Variants in KRAS observed in about 807,000 individuals in gnomAD.
KRAS encodes the protein KRas proto-oncogene, GTPase, also known as GTPase KRas.
Under a neutral mutation model 21.0 loss-of-function variants are expected in KRAS, and 1 was observed. The observed-to-expected ratio is 0.05, with a 90% CI of 0.02 to 0.23. The LOEUF (loss-of-function observed/expected upper bound fraction) is 0.23. KRAS is among the 10% of genes least tolerant of loss of function. The pLI is 1.00. For missense variants in KRAS, 107 were observed against 221.8 expected (o/e 0.48, Z 3.29); for synonymous variants, 67 against 72.5 (o/e 0.92, Z 0.39).
intron 2 of KRAS, among the ~76,000 whole-genome samples, chr12:25,231,204 C>T (rs1304595723): frequency 1.4e-5 from 2 of 146,816 alleles, no homozygotes; most frequent in African/African-American, 2.5e-5. Flanking sequence ...CAGGTTCAAG[C>T]GATTCTCCTA....
At position 25,208,929 on chromosome 12, in the gene KRAS, GAGC is replaced by G. The variant is rs1210424460; in HGVS notation, c.*863_*865del. 2.5e-5 allele frequency: 7 copies of G among 278,546 alleles called. No individual in the cohort carries two copies. Among genetic ancestry groups the G allele is most frequent in the African/African-American group, 1.5e-4 (7 of 46,590 alleles). 17.3% of individuals were successfully genotyped at this position (278,546 alleles called of 1,614,324 possible). ...AAAGATTTAAAGTTATACTATGAAA[GAGC>G]AGTCTGACACAGGGAGACTACATTT... On this transcript the variant is annotated 3_prime_UTR_variant, in exon 5 of 5. Transcript: ENST00000311936.
intron 2 of KRAS, among the ~76,000 whole-genome samples, chr12:25,240,798 A>T (rs1375235033): frequency 6.6e-6 from 1 of 152,206 alleles, no homozygotes; most frequent in Non-Finnish European, 1.5e-5. Context: ...AAAAACCATG[A>T]CCAGTAAAGT....
intron 3 of KRAS, among the ~76,000 whole-genome samples, chr12:25,226,221 G>T (rs1319861954): frequency 6.6e-6 from 1 of 152,144 alleles, no homozygotes; most frequent in Non-Finnish European, 1.5e-5. Context: ...GAAAGATTTT[G>T]ATTTCTAGGT....
At chr12:25,236,803 TA>T (rs1951550004) in intron 2 of KRAS, among the ~76,000 whole-genome samples, 1 of 152,004 alleles carries the variant, frequency 6.6e-6, no homozygotes, top group Non-Finnish European at 1.5e-5. Flanking sequence ...GGTAGGAATG[TA>T]AACAGTACAA....
intron 2 of KRAS, among the ~76,000 whole-genome samples, chr12:25,231,506 A>G (rs985360075): frequency 6.6e-6 from 1 of 152,174 alleles, no homozygotes. Context: ...GTAATGTGGG[A>G]TATTAGTAGT....
intron 2 of KRAS, among the ~76,000 whole-genome samples, chr12:25,229,094 C>T (rs1275883091): frequency 6.6e-6 from 1 of 151,848 alleles, no homozygotes; most frequent in East Asian, 1.9e-4. Flanking sequence ...AGAAAACTAC[C>T]ATGGTAAACT....
chr12:25,215,723 T>C (rs1951247974), intron 4 of KRAS, among the ~76,000 whole-genome samples: 1 of 152,162 alleles, frequency 6.6e-6, no homozygotes, highest in East Asian at 1.9e-4. Flanking sequence ...TTTTAAAATA[T>C]GGGCTAGAAT....
chr12:25,231,643 A>G (rs1337739934), intron 2 of KRAS, among the ~76,000 whole-genome samples: 1 of 152,146 alleles, frequency 6.6e-6, no homozygotes, highest in African/African-American at 2.4e-5. Context: ...GACCTTAAAA[A>G]TATCGATAGC....
At chr12:25,246,178 G>A (rs1369961846) in intron 1 of KRAS, among the ~76,000 whole-genome samples, 2 of 150,342 alleles carry the variant, frequency 1.3e-5, no homozygotes, top group African/African-American at 4.9e-5. Context: ...AAATCTCTGG[G>A]GAAAATAAAG....
intron 4 of KRAS, 56 bp downstream of exon 4, chr12:25,225,558 C>G (rs1951382025): frequency 1.3e-6 from 2 of 1,495,386 alleles, no homozygotes; most frequent in Non-Finnish European, 1.9e-6. Flanking sequence ...TATTAAATGA[C>G]ATAACAGTTA....
rs1321321201 is a variant in KRAS, at chr12:25,205,573, G to T, written c.*4222C>A. 4.6e-6 allele frequency: 1 copy of T among 217,434 alleles called. No individual in the cohort carries two copies. The highest frequency in any genetic ancestry group is 9.3e-6 in the Non-Finnish European group (1 of 107,810). The allele number at this position is 217,434 out of a possible 1,614,324, so 13.5% of individuals were successfully genotyped here. On this transcript the variant is annotated 3_prime_UTR_variant, in exon 5 of 5. Coordinates refer to ENST00000311936, the MANE Select transcript of KRAS (RefSeq NM_004985.5). ...CATGTTACATTAAGAAATAGTACTA[G>T]TAAGAAATTGGCACTCAAAGGAAAA...
At chr12:25,218,112 T>C (rs1374271568) in intron 4 of KRAS, among the ~76,000 whole-genome samples, 2 of 152,146 alleles carry the variant, frequency 1.3e-5, no homozygotes, top group African/African-American at 2.4e-5. Context: ...CTCTTTCAAT[T>C]TGAAAATCAA....
At position 25,209,463 on chromosome 12, in the gene KRAS, A is replaced by T. The variant is rs1484106816; in HGVS notation, c.*332T>A. On this transcript the variant is annotated 3_prime_UTR_variant, in exon 5 of 5. Coordinates refer to ENST00000311936, the MANE Select transcript of KRAS (RefSeq NM_004985.5). ...ATAGGGATGATTCAAAAGCTTCATT[A>T]ATTTGTTTCACACCAACATTCACAA... 1.9e-5 allele frequency: 23 copies of T among 1,200,278 alleles called. No individual in the cohort carries two copies. The highest frequency in any genetic ancestry group is 1.1e-4 in the Admixed American group (3 of 26,862). 74.4% of individuals were successfully genotyped at this position (1,200,278 alleles called of 1,614,324 possible).
intron 2 of KRAS, among the ~76,000 whole-genome samples, chr12:25,231,182 A>ACCTCCGC (rs1951464763): frequency 7.2e-6 from 1 of 139,326 alleles, no homozygotes; most frequent in Non-Finnish European, 1.5e-5. Context: ...AGTCACTGCA[A>ACCTCCGC]CCTCCGCCTC....
At chr12:25,215,091 TAAAAAAAA>T (rs775121370) in intron 4 of KRAS, 1 of 86,510 alleles carries the variant, frequency 1.2e-5, no homozygotes, top group Non-Finnish European at 1.9e-5. Context: ...TTCTCCCTAC[TAAAAAAAA>T]AAAAAAAAAA....
At chr12:25,223,998 A>G (rs1162373108) in intron 4 of KRAS, among the ~76,000 whole-genome samples, 1 of 152,064 alleles carries the variant, frequency 6.6e-6, no homozygotes, top group Non-Finnish European at 1.5e-5. Flanking sequence ...TAGTGGTCCC[A>G]TAAGATTATA....
intron 4 of KRAS, chr12:25,215,278 G>A (rs923572769): frequency 3.9e-6 from 3 of 774,986 alleles, no homozygotes; most frequent in Non-Finnish European, 4.7e-6. Context: ...ATTCCCACTA[G>A]ATTAAAAATA....
chr12:25,221,419 G>A (rs1462324335), intron 4 of KRAS, among the ~76,000 whole-genome samples: 11 of 152,070 alleles, frequency 7.2e-5, no homozygotes, highest in African/African-American at 2.7e-4. Context: ...TTTTAGTAGA[G>A]ACGGGGTTTC....
chr12:25,212,734 T>C (rs1324696529), intron 4 of KRAS, among the ~76,000 whole-genome samples: 2 of 152,116 alleles, frequency 1.3e-5, no homozygotes, highest in African/African-American at 4.8e-5. Context: ...TATATATGTT[T>C]ATCATTGTCA....
Sources: gnomAD v4.1 joint callset for allele counts (sites outside exome capture counted in the v4.1 genomes callset) on GRCh38, gnomAD v4.1.1 for gene constraint, MANE v1.5 for transcripts, NCBI Gene and HGNC (gene_info 2026-07-23, HGNC 2026-07-21) for gene names.